The following POC1B variants were observed in gnomAD, a reference collection of about 807,000 sequenced individuals.
POC1B encodes POC1 centriolar protein homolog B.
A neutral mutation model predicts 60.6 loss-of-function variants in POC1B; 44 were observed. The observed-to-expected ratio is 0.73, with a 90% CI of 0.57 to 0.93. The LOEUF (loss-of-function observed/expected upper bound fraction) is 0.93, where lower values mean the gene tolerates loss of function less well. POC1B is among the 40% of genes least tolerant of loss of function. POC1B has a pLI of 0.00. For synonymous variants in POC1B, 180 were observed against 198.9 expected (o/e 0.90, Z 0.80); for missense variants, 555 against 572.3 (o/e 0.97, Z 0.31).
chr12:89,482,800 A>ATACAATTTGGCTGTG (rs1402924756), intron 4 of POC1B, among the ~76,000 whole-genome samples: 1 of 152,176 alleles, frequency 6.6e-6, no homozygotes, highest in African/African-American at 2.4e-5. Context: ...AGGGCCTGTG[A>ATACAATTTGGCTGTG]TACAATTTGG....
chr12:89,496,321 A>G (rs1869243421), intron 3 of POC1B, among the ~76,000 whole-genome samples: 1 of 152,214 alleles, frequency 6.6e-6, no homozygotes, highest in South Asian at 2.1e-4. Flanking sequence ...CAGGCCATGG[A>G]CTGGTACTGG....
chr12:89,493,805 G>A (rs1226116023), intron 3 of POC1B, among the ~76,000 whole-genome samples: 2 of 152,338 alleles, frequency 1.3e-5, no homozygotes, highest in Middle Eastern at 3.4e-3. Context: ...CTCAGCCGTA[G>A]GCTAAACCAA....
At chr12:89,511,524 T>G (rs1050667321) in intron 2 of POC1B, among the ~76,000 whole-genome samples, 1 of 152,186 alleles carries the variant, frequency 6.6e-6, no homozygotes, top group African/African-American at 2.4e-5. Context: ...CTCCATTATG[T>G]CCTACTATAA....
intron 10 of POC1B, among the ~76,000 whole-genome samples, chr12:89,450,914 T>C (rs1173212152): frequency 6.6e-6 from 1 of 152,142 alleles, no homozygotes; most frequent in Non-Finnish European, 1.5e-5. Context: ...GAGAATTTAA[T>C]ATAGGGAACT....
In POC1B at chr12:89,459,610, C is replaced by CA. The variant is rs35166321; in HGVS notation, c.1113+27dup. 287,456 of 872,614 alleles carry CA rather than the reference C, an allele frequency of 0.33. 12,671 individuals carry two copies. The highest frequency in any genetic ancestry group is 0.41 in the East Asian group (12,491 of 30,548). The allele number at this position is 872,614 out of a possible 1,614,324, so 54.1% of individuals were successfully genotyped here. A position where few individuals can be genotyped will look rare whatever the true frequency, so the allele number is the denominator to read the frequency against. On this transcript the variant is annotated intron_variant, in intron 10 of 11. Transcript: ENST00000313546. ...AAATGATTAAATGCCACTTAAGTGT[C>CA]AAAAAAAAAAAAAAAAACCCGACTT...
Position 89,469,772 on chromosome 12 carries a change from C to T in POC1B, c.810+589G>A, listed in dbSNP as rs547188893. The stretch of plus-strand genomic sequence containing the variant: ...TCACCATTTACCCAGTCAATCTATA[C>T]AACATACTGATAAAGACAGCAGGAG... On this transcript the variant is annotated intron_variant, in intron 7 of 11. Coordinates refer to ENST00000313546, the MANE Select transcript of POC1B (RefSeq NM_172240.3). 7.9e-5 allele frequency among the ~76,000 whole-genome samples: 12 copies of T among 152,276 alleles called. No individual in the cohort carries two copies. In the South Asian group the frequency reaches 2.3e-3, roughly 29 times the overall value.
At chr12:89,442,717 T>G (rs1472365789) in intron 10 of POC1B, among the ~76,000 whole-genome samples, 1 of 152,182 alleles carries the variant, frequency 6.6e-6, no homozygotes, top group Admixed American at 6.5e-5. Flanking sequence ...AATAACCAGC[T>G]AACATCATAA....
chr12:89,525,796 G>C, intron 1 of POC1B, 85 bp downstream of exon 1: 3 of 1,381,346 alleles, frequency 2.2e-6, no homozygotes, highest in Non-Finnish European at 2.8e-6. Flanking sequence ...TCTCCCTCCA[G>C]GTGCGGCTTC....
At chr12:89,425,060 G>C in intron 11 of POC1B, 101 bp downstream of exon 11, 2 of 1,227,746 alleles carry the variant, frequency 1.6e-6, no homozygotes, top group Non-Finnish European at 2.3e-6. Context: ...CTAGTATAGA[G>C]AAATCTCCCC....
chr12:89,450,467 A>T (rs919292729), intron 10 of POC1B, among the ~76,000 whole-genome samples: 2 of 152,152 alleles, frequency 1.3e-5, no homozygotes, highest in African/African-American at 4.8e-5. Context: ...CGGCCTCCCA[A>T]AGTGTTGGGA....
intron 2 of POC1B, chr12:89,501,097 A>T: frequency 8.2e-7 from 1 of 1,224,432 alleles, no homozygotes; most frequent in East Asian, 2.3e-5. Context: ...ACAACGCACC[A>T]TATCCCCGGC....
chr12:89,487,420 G>C (rs17016945), intron 4 of POC1B, among the ~76,000 whole-genome samples: 2 of 152,110 alleles, frequency 1.3e-5, no homozygotes, highest in East Asian at 3.8e-4. Context: ...ACTCCTCCCC[G>C]GTTCCAGAGT....
intron 4 of POC1B, chr12:89,485,379 T>C (rs1379584451): frequency 6.6e-6 from 1 of 152,184 alleles, no homozygotes; most frequent in African/African-American, 2.4e-5. Flanking sequence ...AATACATGCA[T>C]GAGAAAGAAT....
chr12:89,407,871 T>C, the POC1B span, among the ~76,000 whole-genome samples: 7 of 152,320 alleles, frequency 4.6e-5, no homozygotes, highest in East Asian at 1.2e-3. Flanking sequence ...GTTTGTCACA[T>C]AGGTATACAT....
intron 9 of POC1B, chr12:89,459,933 C>A: frequency 4.1e-6 from 2 of 485,956 alleles, no homozygotes; most frequent in South Asian, 2.6e-5. Flanking sequence ...TTGAATTCAC[C>A]CCAGAAATAA....
Position 89,434,796 on chromosome 12 carries a change from C to T in POC1B, c.1114-9417G>A, listed in dbSNP as rs183102284. Among the ~76,000 whole-genome samples, 17 of 152,230 alleles carry T rather than the reference C, an allele frequency of 1.1e-4. 1 individual carries two copies. The highest frequency in any genetic ancestry group is 3.3e-4 in the Admixed American group (5 of 15,290). ...ACAAATTCAACAAGAATCTTTTACA[C>T]AACATGCTAAGTGAATAAGGCAAAG... On this transcript the variant is annotated intron_variant, in intron 10 of 11. Coordinates refer to ENST00000313546, the MANE Select transcript of POC1B (RefSeq NM_172240.3).
intron 9 of POC1B, 120 bp downstream of exon 9, chr12:89,466,650 G>C: frequency 1.1e-6 from 1 of 909,182 alleles, no homozygotes; most frequent in Non-Finnish European, 1.6e-6. Context: ...GTTTATCAAA[G>C]TGCTGCTGTT....
intron 10 of POC1B, among the ~76,000 whole-genome samples, chr12:89,442,267 A>G (rs1003975604): frequency 1.3e-5 from 2 of 152,130 alleles, no homozygotes; most frequent in Non-Finnish European, 2.9e-5. Flanking sequence ...CCACAAAGAT[A>G]CTCCTTAAGA....
At chr12:89,451,497 G>A (rs1476347604) in intron 10 of POC1B, among the ~76,000 whole-genome samples, 2 of 119,004 alleles carry the variant, frequency 1.7e-5, no homozygotes, top group Non-Finnish European at 3.7e-5. Flanking sequence ...TTGGTTGGCT[G>A]AAAGCAACAT....
Sources: allele counts gnomAD v4.1 joint callset (sites outside exome capture counted in the v4.1 genomes callset), GRCh38; gene constraint gnomAD v4.1.1; transcripts MANE v1.5; gene names NCBI Gene and HGNC (gene_info 2026-07-23, HGNC 2026-07-21).